HBS1L: variants seen among roughly 807,000 people sequenced by gnomAD.
The protein encoded by HBS1L is HBS1 like translational GTPase.
A neutral mutation model predicts 88.9 loss-of-function variants in HBS1L; 55 were observed. The ratio of observed to expected loss-of-function variants is 0.62; its 90% confidence interval spans 0.50 to 0.77. HBS1L has a LOEUF of 0.77. HBS1L is among the 30% of genes least tolerant of loss of function. The pLI is 0.00. For synonymous variants in HBS1L, 267 were observed against 288.5 expected, an observed-to-expected ratio of 0.93 and a Z score of 0.76; for missense variants, 741 against 829.3, an observed-to-expected ratio of 0.89 and a Z score of 1.31.
chr6:135,016,576 T>A (rs1775928398), intron 4 of HBS1L, among the ~76,000 whole-genome samples: 1 of 152,304 alleles, frequency 6.6e-6, no homozygotes, highest in South Asian at 2.1e-4. Context: ...CAACTTTAAG[T>A]CACACATGAT....
In HBS1L at chr6:134,981,885, A is replaced by G. The variant is rs572497396; in HGVS notation, c.1597+573T>C. The stretch of plus-strand genomic sequence containing the variant: ...ACAATTATCAGTCATTATGAAAAAA[A>G]TTAGATCTATATGCAGAAACAGTGA... On this transcript the variant is annotated intron_variant, in intron 13 of 17. Transcript: ENST00000367837. Among the ~76,000 whole-genome samples, 4 of 152,126 alleles carry G rather than the reference A, an allele frequency of 2.6e-5. No individual in the cohort carries two copies. In the East Asian group the frequency reaches 7.7e-4, roughly 29 times the overall value.
intron 8 of HBS1L, among the ~76,000 whole-genome samples, chr6:134,989,115 TC>T (rs1775061524): frequency 6.6e-6 from 1 of 152,212 alleles, no homozygotes; most frequent in Non-Finnish European, 1.5e-5. Flanking sequence ...TTCCCACTAT[TC>T]TTTTGTGTTG....
chr6:135,052,190 T>C (rs1028798937), intron 1 of HBS1L, among the ~76,000 whole-genome samples: 1 of 152,216 alleles, frequency 6.6e-6, no homozygotes, highest in African/African-American at 2.4e-5. Flanking sequence ...ATGCTACTAT[T>C]GGGCAAAAAC....
chr6:135,025,552 TAAACAGCAAGTTCG>T (rs1776203065), intron 4 of HBS1L, among the ~76,000 whole-genome samples: 1 of 152,112 alleles, frequency 6.6e-6, no homozygotes, highest in South Asian at 2.1e-4. Context: ...GACCTAAGGA[TAAACAGCAAGTTCG>T]AGAGTACAAG....
chr6:135,015,990 A>G (rs1350778541), intron 4 of HBS1L, among the ~76,000 whole-genome samples: 1 of 149,844 alleles, frequency 6.7e-6, no homozygotes, highest in East Asian at 2.0e-4. Context: ...GGTTCAAGAG[A>G]TTCTCCTGCC....
intron 5 of HBS1L, among the ~76,000 whole-genome samples, chr6:134,998,585 A>G (rs1224063911): frequency 3.9e-5 from 6 of 152,246 alleles, no homozygotes; most frequent in African/African-American, 1.4e-4. Context: ...CTGGCAAAGA[A>G]AAACTACATA....
intron 17 of HBS1L, among the ~76,000 whole-genome samples, chr6:134,965,979 A>G (rs933029765): frequency 1.3e-5 from 2 of 152,226 alleles, no homozygotes; most frequent in African/African-American, 2.4e-5. Flanking sequence ...TACAATATTC[A>G]TAAGATTCAT....
intron 2 of HBS1L, among the ~76,000 whole-genome samples, 163 bp from the exon 3 acceptor site, chr6:135,042,289 C>G (rs957674073): frequency 6.6e-6 from 1 of 152,058 alleles, no homozygotes; most frequent in Non-Finnish European, 1.5e-5. Flanking sequence ...AAACATATAC[C>G]TAAAATCCTA....
At chr6:135,009,895 G>T (rs1333225566) in intron 4 of HBS1L, among the ~76,000 whole-genome samples, 1 of 151,798 alleles carries the variant, frequency 6.6e-6, no homozygotes, top group Non-Finnish European at 1.5e-5. Context: ...CTCCCAACGT[G>T]CTGGGATTAC....
intron 2 of HBS1L, among the ~76,000 whole-genome samples, chr6:135,045,934 A>G (rs143688668): frequency 6.2e-4 from 95 of 152,322 alleles, no homozygotes; most frequent in African/African-American, 2.1e-3. Flanking sequence ...TGGCCCACCT[A>G]TACGCCACTT....
intron 4 of HBS1L, 112 bp downstream of exon 4, chr6:135,039,461 A>T: frequency 1.1e-6 from 1 of 886,606 alleles, no homozygotes; most frequent in South Asian, 1.7e-5. Flanking sequence ...AACATGCAAG[A>T]TTTTAATAGC....
chr6:134,961,556 C>A lies in HBS1L; in HGVS notation c.*3723G>T, dbSNP rs1774189309. 6.6e-6 allele frequency: 1 copy of A among 152,166 alleles called. No individual in the cohort carries two copies. The highest frequency in any genetic ancestry group is 1.5e-5 in the Non-Finnish European group (1 of 68,036). 9.4% of individuals were successfully genotyped at this position (152,166 alleles called of 1,614,324 possible). A position where few individuals can be genotyped will look rare whatever the true frequency, so the allele number is the denominator to read the frequency against. On this transcript the variant is annotated 3_prime_UTR_variant, in exon 18 of 18. Transcript: ENST00000367837. ...ACTGTGCAAACCATAAACAGCCAAC[C>A]TCTTCTTGTGGCTAACATGGGTGAC...
intron 4 of HBS1L, among the ~76,000 whole-genome samples, chr6:135,023,585 AAAG>A (rs1776137819): frequency 6.6e-6 from 1 of 152,210 alleles, no homozygotes; most frequent in African/African-American, 2.4e-5. Flanking sequence ...ACAATGCTAG[AAAG>A]AATATAACCT....
intron 7 of HBS1L, among the ~76,000 whole-genome samples, chr6:134,994,493 C>G (rs1775237127): frequency 6.6e-6 from 1 of 152,046 alleles, no homozygotes; most frequent in Non-Finnish European, 1.5e-5. Flanking sequence ...TAGTGAAATG[C>G]TTGGGACTAG....
In HBS1L at chr6:135,054,666, C is replaced by T; in HGVS notation, c.26G>A (p.Gly9Asp). The change falls in exon 1 of 18, where the codon GGC becomes GAC. Residue 9 changes from glycine to aspartate, a missense_variant. By Grantham distance (94) the Gly-to-Asp change is moderately conservative (BLOSUM62 -1). Transcript: ENST00000367837. ...CCACCTACCTTCATCGTAGTTATAG[C>T]CTCGAACATTCCGATGCCGGGCCAT... MARHRNVR[G>D]YNYDEDFEDD... The T allele has an allele frequency of 1.2e-6, 2 of 1,614,250 alleles. No individual in the cohort carries two copies. Among genetic ancestry groups the T allele is most frequent in the Non-Finnish European group, 8.5e-7 (1 of 1,180,042 alleles).
At chr6:135,031,220 C>A (rs975433908) in intron 4 of HBS1L, among the ~76,000 whole-genome samples, 1 of 151,918 alleles carries the variant, frequency 6.6e-6, no homozygotes, top group Non-Finnish European at 1.5e-5. Context: ...TATACACATC[C>A]ATTAAATAAG....
intron 2 of HBS1L, among the ~76,000 whole-genome samples, chr6:135,050,175 ATAAAC>A (rs1210697295): frequency 2.2e-4 from 34 of 152,252 alleles, no homozygotes; most frequent in Non-Finnish European, 4.4e-5. Context: ...TGTTCAACAG[ATAAAC>A]TAAAGTACTG....
chr6:135,017,768 C>A (rs910046714), intron 4 of HBS1L, among the ~76,000 whole-genome samples: 2 of 151,758 alleles, frequency 1.3e-5, no homozygotes, highest in African/African-American at 2.4e-5. Flanking sequence ...TCATGAGTGA[C>A]CTTTTTCCCT....
chr6:135,041,014 G>A (rs1234699059), intron 3 of HBS1L, among the ~76,000 whole-genome samples: 1 of 152,010 alleles, frequency 6.6e-6, no homozygotes, highest in African/African-American at 2.4e-5. Flanking sequence ...GCACTACTAA[G>A]TTAGCAATAA....
Sources: gnomAD v4.1 joint callset for allele counts (sites outside exome capture counted in the v4.1 genomes callset) on GRCh38, gnomAD v4.1.1 for gene constraint, MANE v1.5 for transcripts, NCBI Gene and HGNC (gene_info 2026-07-23, HGNC 2026-07-21) for gene names.